The following PKHD1L1 variants were observed in gnomAD, a reference collection of about 807,000 sequenced individuals.
The protein encoded by PKHD1L1 is PKHD1 like 1, also known as fibrocystin-L.
A neutral mutation model predicts 462.9 loss-of-function variants in PKHD1L1; 434 were observed. The observed-to-expected ratio is 0.94, with a 90% CI of 0.87 to 1.02. The LOEUF (loss-of-function observed/expected upper bound fraction) is 1.02, where lower values mean the gene tolerates loss of function less well. PKHD1L1 is among the 50% of genes least tolerant of loss of function. The pLI is 0.00. For synonymous variants in PKHD1L1, 1,781 were observed against 1,750.0 expected, an observed-to-expected ratio of 1.02 and a Z score of -0.44; for missense variants, 5,202 against 5,096.1, an observed-to-expected ratio of 1.02 and a Z score of -0.63.
At chr8:109,427,232 G>A in intron 25 of PKHD1L1, 76 bp downstream of exon 25, 1 of 1,068,960 alleles carries the variant, frequency 9.4e-7, no homozygotes, top group South Asian at 1.4e-5. Flanking sequence ...ATTCCAAAAA[G>A]AACTGGAGGC....
intron 52 of PKHD1L1, 151 bp from the exon 53 acceptor site, chr8:109,477,074 C>T (rs1818026041): frequency 3.1e-6 from 2 of 654,380 alleles, no homozygotes; most frequent in Non-Finnish European, 2.6e-6. Context: ...ATAATACATA[C>T]ATTATCAGAA....
At chr8:109,365,254 A>G (rs1811172298) in intron 2 of PKHD1L1, among the ~76,000 whole-genome samples, 1 of 152,242 alleles carries the variant, frequency 6.6e-6, no homozygotes, top group Non-Finnish European at 1.5e-5. Context: ...CCTTTGCAAT[A>G]TAAGTGATAC....
intron 2 of PKHD1L1, among the ~76,000 whole-genome samples, chr8:109,376,622 C>T (rs1011671992): frequency 6.6e-6 from 1 of 152,172 alleles, no homozygotes; most frequent in Non-Finnish European, 1.5e-5. Context: ...GGAGCCGTTC[C>T]TATTAGGCCG....
chr8:109,465,947 T>C (rs1004071266), intron 49 of PKHD1L1, among the ~76,000 whole-genome samples: 1 of 152,186 alleles, frequency 6.6e-6, no homozygotes, highest in Admixed American at 6.6e-5. Context: ...AAAAAATCTG[T>C]CTAAATAAGA....
intron 27 of PKHD1L1, 84 bp downstream of exon 27, chr8:109,430,121 T>C (rs1281383390): frequency 2.4e-6 from 2 of 826,662 alleles, no homozygotes; most frequent in African/African-American, 3.6e-5. Flanking sequence ...TAAAACTATG[T>C]TTCTACTAGT....
At position 109,452,228 on chromosome 8, in the gene PKHD1L1, C is replaced by T. The variant is rs1049344588; in HGVS notation, c.6455C>T (p.Ser2152Leu). The change falls in exon 42 of 78, where the codon TCA becomes TTA. Residue 2152 changes from serine (S) to leucine (L), a missense_variant. Transcript: ENST00000378402. ...IICMTDAHTL[S>L]GWAPVCVHIR... ...TGCATGACAGATGCCCATACTCTAT[C>T]AGGGTGGGCTCCAGTTTGTGTCCAC... 1 of 1,612,154 alleles carries T rather than the reference C, an allele frequency of 6.2e-7. No homozygotes were observed. Among genetic ancestry groups the T allele is most frequent in the African/African-American group, 1.3e-5 (1 of 74,846 alleles).
rs777812129 is a variant in PKHD1L1, at chr8:109,384,104, T to A, written c.452T>A (p.Ile151Asn). The change falls in exon 5 of 78, where the codon ATC becomes AAC. Residue 151 changes from isoleucine to asparagine, a missense_variant. Around this residue, in one of 3 missense-constraint regions of PKHD1L1, gnomAD observed 4,497 missense variants for 4,336.8 expected, o/e 1.04. Coordinates refer to ENST00000378402, the MANE Select transcript of PKHD1L1 (RefSeq NM_177531.6). ...KSFRTPTIRS[I>N]TPLSGTPGTL... ...TTTAGAACCCCAACAATAAGAAGCA[T>A]CACACCTTTATCTGGAACTCCAGGT... is the stretch of plus-strand genomic sequence containing the variant. 3 of 1,611,512 alleles carry A rather than the reference T, an allele frequency of 1.9e-6. No homozygotes were observed. In the East Asian group the frequency reaches 6.7e-5, roughly 36 times the overall value.
At chr8:109,429,518 T>G (rs1412024882) in intron 26 of PKHD1L1, 56 bp downstream of exon 26, 5 of 1,501,404 alleles carry the variant, frequency 3.3e-6, no homozygotes, top group Non-Finnish European at 3.6e-6. Context: ...TATAACTAGT[T>G]TGTAATATGT....
rs1815601394 is a variant in PKHD1L1 at position 109,438,879 on chromosome 8, TA to T, written c.3761-15del. On this transcript the variant is annotated splice_polypyrimidine_tract_variant and intron_variant, in intron 31 of 77. Coordinates refer to ENST00000378402, the MANE Select transcript of PKHD1L1 (RefSeq NM_177531.6). ...AAGTTGAACTTTTTGCATTATTTTT[TA>T]AATTTTAAAATACCAGGAGAAGTTA... 6.5e-7 allele frequency: 1 copy of T among 1,533,646 alleles called. No homozygotes were observed. The highest frequency in any genetic ancestry group is 1.4e-5 in the African/African-American group (1 of 71,538).
chr8:109,405,777 G>A (rs1221257025), intron 16 of PKHD1L1, among the ~76,000 whole-genome samples: 4 of 152,070 alleles, frequency 2.6e-5, no homozygotes, highest in Admixed American at 1.3e-4. Flanking sequence ...GGGTTGATAG[G>A]TGCAGCAAAC....
chr8:109,447,815 C>T (rs893980587), intron 38 of PKHD1L1, among the ~76,000 whole-genome samples: 10 of 152,220 alleles, frequency 6.6e-5, no homozygotes, highest in Non-Finnish European at 1.0e-4. Context: ...GCTGCTCAGA[C>T]ATTCATACTT....
rs772263876 is a variant in PKHD1L1 at position 109,451,133 on chromosome 8, G to A, written c.6334G>A (p.Val2112Met). The A allele has an allele frequency of 3.7e-6, 6 of 1,608,616 alleles. No individual in the cohort carries two copies. The highest frequency in any genetic ancestry group is 5.1e-6 in the Non-Finnish European group (6 of 1,176,998). Reference sequence around the variant, plus strand: ...AGCAGGGGGCACCAGACTGACAGTCGTGGGATCAGGATTCAGGTACTGTCT... The same window carrying A: ...AGCAGGGGGCACCAGACTGACAGTCATGGGATCAGGATTCAGGTACTGTCT... ...STAGGTRLTV[V>M]GSGFSENMED... The change falls in exon 41 of 78, where the codon GTG becomes ATG. Residue 2112 changes from valine to methionine, a missense_variant. Around this residue, in one of 3 missense-constraint regions of PKHD1L1, gnomAD observed 4,497 missense variants for 4,336.8 expected, o/e 1.04. Coordinates refer to ENST00000378402, the MANE Select transcript of PKHD1L1 (RefSeq NM_177531.6).
intron 59 of PKHD1L1, among the ~76,000 whole-genome samples, chr8:109,487,888 GAGAGGAAGGA>G (rs1385782622): frequency 1.6e-4 from 23 of 140,466 alleles, no homozygotes; most frequent in South Asian, 2.5e-4. Context: ...GAGAGAGAGA[GAGAGGAAGGA>G]AGGAAGGAAG....
intron 2 of PKHD1L1, among the ~76,000 whole-genome samples, chr8:109,369,419 G>A (rs1365462703): frequency 1.3e-5 from 2 of 151,896 alleles, no homozygotes; most frequent in Admixed American, 6.6e-5. Context: ...ATGAATTATT[G>A]TGGATTTGGT....
At chr8:109,521,559 A>G (rs1279960749) in intron 73 of PKHD1L1, among the ~76,000 whole-genome samples, 1 of 152,152 alleles carries the variant, frequency 6.6e-6, no homozygotes, top group Non-Finnish European at 1.5e-5. Flanking sequence ...TTCTGAAAAA[A>G]GGAATATGGT....
Position 109,401,580 on chromosome 8 carries a change from A to G in PKHD1L1, c.1365A>G (p.Lys455=). Residue 455 remains lysine, a synonymous_variant, in exon 14 of 78, where the codon AAA becomes AAG. Transcript: ENST00000378402. ...GATCAGATGATATTCATCTGCAGAAAGGAAAAGAGTAAGGCTTTTTCCTGT... is the reference window on the plus strand; with the variant it reads ...GATCAGATGATATTCATCTGCAGAAGGGAAAAGAGTAAGGCTTTTTCCTGT... The part of the protein sequence containing the change: ...TQRSDDIHLQ[K]GKEYYIEILL... The G allele has an allele frequency of 1.3e-6, 2 of 1,556,766 alleles. No individual in the cohort carries two copies. The highest frequency in any genetic ancestry group is 1.7e-4 in the Middle Eastern group (1 of 5,956).
chr8:109,477,103 A>G, intron 52 of PKHD1L1, 122 bp from the exon 53 acceptor site: 1 of 846,506 alleles, frequency 1.2e-6, no homozygotes, highest in Non-Finnish European at 1.9e-6. Context: ...TACCTCTTCC[A>G]TACATGTGAA....
At chr8:109,434,405 T>C (rs1028640976) in intron 28 of PKHD1L1, among the ~76,000 whole-genome samples, 1 of 152,082 alleles carries the variant, frequency 6.6e-6, no homozygotes, top group African/African-American at 2.4e-5. Flanking sequence ...AAGAAAATGT[T>C]TTCATTTACT....
chr8:109,409,629 A>G (rs1813733535), intron 18 of PKHD1L1, among the ~76,000 whole-genome samples: 1 of 152,236 alleles, frequency 6.6e-6, no homozygotes, highest in Admixed American at 6.5e-5. Flanking sequence ...GTATGCTATT[A>G]TTAGCCAATT....
Sources: allele counts gnomAD v4.1 joint callset (sites outside exome capture counted in the v4.1 genomes callset), GRCh38; gene constraint gnomAD v4.1.1; regional missense constraint gnomAD v4.1.1; transcripts MANE v1.5; gene names NCBI Gene and HGNC (gene_info 2026-07-23, HGNC 2026-07-21).